NEGR1: variants seen among roughly 807,000 people sequenced by gnomAD.
The protein encoded by NEGR1 is neuronal growth regulator 1.
In NEGR1, 10 loss-of-function variants were observed where a neutral mutation model predicts 40.9. The observed-to-expected ratio is 0.24, with a 90% confidence interval of 0.15 to 0.42. The LOEUF (loss-of-function observed/expected upper bound fraction) is 0.42. Among genes scored for constraint, NEGR1 ranks in the 10% least tolerant of loss-of-function variants. NEGR1 has a pLI of 1.00. For synonymous variants in NEGR1, 185 were observed against 166.8 expected (o/e 1.11, Z -0.84); for missense variants, 352 against 438.9 (o/e 0.80, Z 1.77).
At chr1:71,876,513 A>G (rs1478470521) in intron 2 of NEGR1, among the ~76,000 whole-genome samples, 3 of 151,634 alleles carry the variant, frequency 2.0e-5, no homozygotes, top group African/African-American at 7.3e-5. Context: ...CTGAAAAAGA[A>G]AGGAAGAAAG....
intron 1 of NEGR1, among the ~76,000 whole-genome samples, chr1:72,206,819 G>A (rs1653418602): frequency 1.3e-5 from 2 of 151,932 alleles, no homozygotes. Flanking sequence ...GGCTAAAGAT[G>A]GGTATTTGAG....
At chr1:71,647,807 G>A (rs576550291) in intron 4 of NEGR1, among the ~76,000 whole-genome samples, 2 of 151,918 alleles carry the variant, frequency 1.3e-5, no homozygotes, top group African/African-American at 4.8e-5. Context: ...CTGAACTACA[G>A]CAGCCACTTC....
chr1:71,692,548 T>A (rs747409616), intron 4 of NEGR1, among the ~76,000 whole-genome samples: 2 of 151,738 alleles, frequency 1.3e-5, no homozygotes, highest in Middle Eastern at 6.8e-3. Context: ...TAGTCTTAAG[T>A]TTGACATATT....
chr1:71,830,781 T>G (rs924357694), intron 2 of NEGR1, among the ~76,000 whole-genome samples: 4 of 151,962 alleles, frequency 2.6e-5, no homozygotes, highest in Non-Finnish European at 5.9e-5. Context: ...TAGATTTTAG[T>G]TGTTATAATT....
intron 2 of NEGR1, among the ~76,000 whole-genome samples, chr1:71,857,626 C>CAAAA (rs59343025): frequency 2.4e-4 from 13 of 53,420 alleles, no homozygotes; most frequent in African/African-American, 3.7e-4. Flanking sequence ...GATCCTGTCT[C>CAAAA]AAAAAAAAAA....
chr1:72,147,160 A>T (rs116101068), intron 1 of NEGR1, among the ~76,000 whole-genome samples: 3,372 of 152,276 alleles, frequency 0.022, 128 homozygotes, highest in African/African-American at 0.077. Flanking sequence ...AAAAGTAAAA[A>T]TTTAGATGTA....
intron 4 of NEGR1, among the ~76,000 whole-genome samples, chr1:71,622,642 C>A (rs1336489088): frequency 6.6e-6 from 1 of 151,798 alleles, no homozygotes; most frequent in Non-Finnish European, 1.5e-5. Context: ...GGTATGCCAT[C>A]AAAGACTCAC....
intron 1 of NEGR1, among the ~76,000 whole-genome samples, chr1:72,230,079 G>A (rs994635883): frequency 1.3e-5 from 2 of 152,012 alleles, no homozygotes; most frequent in African/African-American, 4.8e-5. Context: ...AGATTCTACT[G>A]CTGGAAATAT....
At chr1:71,872,846 C>T (rs185206670) in intron 2 of NEGR1, among the ~76,000 whole-genome samples, 1 of 152,166 alleles carries the variant, frequency 6.6e-6, no homozygotes, top group Admixed American at 6.5e-5. Context: ...GCCAACATTA[C>T]TGAAAACACT....
At chr1:72,060,012 G>T (rs961824977) in intron 1 of NEGR1, among the ~76,000 whole-genome samples, 2 of 151,646 alleles carry the variant, frequency 1.3e-5, no homozygotes, top group Non-Finnish European at 3.0e-5. Flanking sequence ...GGAAACTCAG[G>T]TTTTAAAGAA....
intron 1 of NEGR1, among the ~76,000 whole-genome samples, chr1:72,135,258 C>T (rs1650408659): frequency 6.7e-6 from 1 of 149,550 alleles, no homozygotes; most frequent in South Asian, 2.1e-4. Context: ...CTCCTGTAGT[C>T]CCAGCTACTC....
At chr1:71,692,020 T>TTTAA (rs1279055100) in intron 4 of NEGR1, among the ~76,000 whole-genome samples, 1 of 151,764 alleles carries the variant, frequency 6.6e-6, no homozygotes, top group Non-Finnish European at 1.5e-5. Flanking sequence ...TTACGATTGG[T>TTTAA]TTATCAAAGC....
intron 4 of NEGR1, among the ~76,000 whole-genome samples, chr1:71,647,664 T>C (rs1050991340): frequency 1.3e-5 from 2 of 151,974 alleles, no homozygotes; most frequent in Non-Finnish European, 2.9e-5. Context: ...TTCCTCATGG[T>C]AGAGACAGAT....
At chr1:71,821,396 A>C (rs1211933379) in intron 2 of NEGR1, among the ~76,000 whole-genome samples, 1 of 152,038 alleles carries the variant, frequency 6.6e-6, no homozygotes, top group African/African-American at 2.4e-5. Flanking sequence ...AGTGAAGAAT[A>C]AATACTGCAT....
chr1:71,752,969 A>T (rs1655619671), intron 3 of NEGR1, among the ~76,000 whole-genome samples: 1 of 152,168 alleles, frequency 6.6e-6, no homozygotes, highest in African/African-American at 2.4e-5. Context: ...AAGTCCATGT[A>T]GCTAGTAATT....
intron 2 of NEGR1, among the ~76,000 whole-genome samples, chr1:71,882,000 A>G (rs2101844008): frequency 6.6e-6 from 1 of 152,224 alleles, no homozygotes; most frequent in Non-Finnish European, 1.5e-5. Context: ...ATCTGTGAAG[A>G]AAATTAATCT....
At chr1:71,535,819 G>T (rs1428105558) in intron 6 of NEGR1, among the ~76,000 whole-genome samples, 1 of 151,660 alleles carries the variant, frequency 6.6e-6, no homozygotes, top group African/African-American at 2.4e-5. Flanking sequence ...ATAGGGATCA[G>T]ATCTTAAACC....
At chr1:71,883,656 G>C (rs187477982) in intron 2 of NEGR1, among the ~76,000 whole-genome samples, 10 of 151,796 alleles carry the variant, frequency 6.6e-5, no homozygotes, top group East Asian at 3.9e-4. Context: ...TACATGCGCC[G>C]TGTTGGTGTG....
In NEGR1 at chr1:71,627,055, A is replaced by C. The variant is rs548373786; in HGVS notation, c.668-15909T>G. Among the ~76,000 whole-genome samples, 3 of 152,318 alleles carry C rather than the reference A, an allele frequency of 2.0e-5. No homozygotes were observed. The East Asian group carries it at 5.8e-4, about 29-fold the overall frequency. On this transcript the variant is annotated intron_variant, in intron 4 of 6. Coordinates refer to ENST00000357731, the MANE Select transcript of NEGR1 (RefSeq NM_173808.3). ...ACTTTTACACTGTTGGTGGGACTGT[A>C]AACTAGTTCAACCATTGTGGAAGTC...
Sources: allele counts gnomAD v4.1 joint callset (sites outside exome capture counted in the v4.1 genomes callset), GRCh38; gene constraint gnomAD v4.1.1; transcripts MANE v1.5; gene names NCBI Gene and HGNC (gene_info 2026-07-23, HGNC 2026-07-21).